Variants in ERBB4 observed in about 807,000 individuals in gnomAD.
ERBB4 encodes the protein erb-b2 receptor tyrosine kinase 4.
Under a neutral mutation model 158.0 loss-of-function variants are expected in ERBB4, and 42 were observed. The ratio of observed to expected loss-of-function variants is 0.27; its 90% CI spans 0.21 to 0.34. The LOEUF is 0.34. Among genes scored for constraint, ERBB4 ranks in the 10% least tolerant of loss-of-function variants. The probability of loss-of-function intolerance (pLI) is 1.00; values close to 1 mark genes in which losing one functional copy is unlikely to be tolerated. For synonymous variants in ERBB4, 583 were observed against 558.7 expected (o/e 1.04, Z -0.61); for missense variants, 1,333 against 1,624.1 (o/e 0.82, Z 3.08).
intron 1 of ERBB4, among the ~76,000 whole-genome samples, chr2:212,188,234 C>CTCTCTCTCTTT (rs1443869832): frequency 4.2e-5 from 1 of 24,066 alleles, no homozygotes; most frequent in Non-Finnish European, 8.7e-5. Flanking sequence ...CTCTCTCTCT[C>CTCTCTCTCTTT]CCCCCCCCTC....
At chr2:211,568,531 A>G (rs1423350044) in intron 19 of ERBB4, among the ~76,000 whole-genome samples, 1 of 152,174 alleles carries the variant, frequency 6.6e-6, no homozygotes, top group Non-Finnish European at 1.5e-5. Flanking sequence ...AAACAACCAT[A>G]TTGCCAGTGA....
chr2:211,512,140 T>C (rs964539422), intron 20 of ERBB4, among the ~76,000 whole-genome samples: 1 of 152,148 alleles, frequency 6.6e-6, no homozygotes, highest in Non-Finnish European at 1.5e-5. Flanking sequence ...ACATTCAATT[T>C]GGAACTTTCA....
chr2:211,937,910 G>A (rs968627281), intron 3 of ERBB4, among the ~76,000 whole-genome samples: 1 of 152,056 alleles, frequency 6.6e-6, no homozygotes, highest in Admixed American at 6.6e-5. Flanking sequence ...GAAACTAAAG[G>A]TGAAAGTAAA....
chr2:211,574,150 A>G (rs2067823559), intron 19 of ERBB4, among the ~76,000 whole-genome samples: 1 of 152,208 alleles, frequency 6.6e-6, no homozygotes, highest in Admixed American at 6.5e-5. Context: ...AAAAAGCTGC[A>G]GCTGCAGGGT....
In ERBB4 at chr2:211,892,038, TCC is replaced by T. The variant is rs1419757481; in HGVS notation, c.421+55390_421+55391del. 6.0e-3 allele frequency among the ~76,000 whole-genome samples: 739 copies of T among 123,244 alleles called. 64 individuals carry two copies. Among genetic ancestry groups the T allele is most frequent in the African/African-American group, 0.024 (705 of 28,978 alleles). The allele number at this position is 123,244 out of a possible 152,430, so 80.9% of individuals were successfully genotyped here. A position where few individuals can be genotyped will look rare whatever the true frequency, so the allele number is the denominator to read the frequency against. On this transcript the variant is annotated intron_variant, in intron 3 of 27. Transcript: ENST00000342788. The stretch of plus-strand genomic sequence containing the variant: ...TTCCAATCAATAGAAAAAGAGGGAA[TCC>T]TCCCTAACTCATTTTATGAGGCCAG...
chr2:212,405,405 A>C (rs190247688), intron 1 of ERBB4, among the ~76,000 whole-genome samples: 4 of 152,068 alleles, frequency 2.6e-5, no homozygotes, highest in Admixed American at 6.6e-5. Flanking sequence ...AACTAGTTCA[A>C]CTATGTGGAA....
intron 3 of ERBB4, among the ~76,000 whole-genome samples, chr2:211,879,391 C>T (rs2078602083): frequency 6.6e-6 from 1 of 152,176 alleles, no homozygotes; most frequent in South Asian, 2.1e-4. Flanking sequence ...AAGCAATGAA[C>T]ATTACCAAAT....
intron 1 of ERBB4, among the ~76,000 whole-genome samples, chr2:212,385,408 C>T (rs1286107824): frequency 6.6e-6 from 1 of 151,752 alleles, no homozygotes; most frequent in Non-Finnish European, 1.5e-5. Flanking sequence ...CCACATTTTC[C>T]TTTCTAAATA....
chr2:211,578,137 C>A (rs2067949680), intron 19 of ERBB4, among the ~76,000 whole-genome samples: 1 of 152,078 alleles, frequency 6.6e-6, no homozygotes, highest in African/African-American at 2.4e-5. Context: ...GCAAAAGTCA[C>A]AAGCACTCCT....
At chr2:212,517,921 C>A (rs1172840079) in intron 1 of ERBB4, among the ~76,000 whole-genome samples, 1 of 152,058 alleles carries the variant, frequency 6.6e-6, no homozygotes, top group Non-Finnish European at 1.5e-5. Flanking sequence ...GAATTAAATG[C>A]TGTACACTGT....
chr2:212,387,200 G>T (rs1030506277), intron 1 of ERBB4, among the ~76,000 whole-genome samples: 5 of 152,020 alleles, frequency 3.3e-5, no homozygotes, highest in African/African-American at 4.8e-5. Context: ...TTGGTGTATG[G>T]AACATGATAA....
intron 19 of ERBB4, among the ~76,000 whole-genome samples, chr2:211,566,073 G>A (rs1295833057): frequency 6.6e-6 from 1 of 152,160 alleles, no homozygotes; most frequent in East Asian, 1.9e-4. Flanking sequence ...GCACTTTGAG[G>A]CGTCACGCCT....
chr2:211,500,146 G>A (rs777516693), intron 20 of ERBB4, among the ~76,000 whole-genome samples: 5 of 152,076 alleles, frequency 3.3e-5, no homozygotes, highest in South Asian at 2.1e-4. Flanking sequence ...TGGTACAGTC[G>A]TCTGCTCTGA....
At chr2:212,024,170 T>C (rs2076721273) in intron 2 of ERBB4, among the ~76,000 whole-genome samples, 1 of 151,964 alleles carries the variant, frequency 6.6e-6, no homozygotes, top group Non-Finnish European at 1.5e-5. Flanking sequence ...TAATCAAGCA[T>C]AAATGGACAC....
chr2:212,190,776 A>C (rs2082165834), intron 1 of ERBB4, among the ~76,000 whole-genome samples: 1 of 152,160 alleles, frequency 6.6e-6, no homozygotes, highest in Non-Finnish European at 1.5e-5. Context: ...ATTTTGGATA[A>C]AGTAGGCCAT....
intron 1 of ERBB4, among the ~76,000 whole-genome samples, chr2:212,325,418 G>A (rs1183127642): frequency 6.6e-6 from 1 of 150,526 alleles, no homozygotes; most frequent in Non-Finnish European, 1.5e-5. Context: ...AAAACTGAGG[G>A]AAATGAGAAA....
intron 5 of ERBB4, among the ~76,000 whole-genome samples, chr2:211,736,162 C>G (rs1265848770): frequency 7.3e-6 from 1 of 137,814 alleles, no homozygotes; most frequent in Admixed American, 7.3e-5. Flanking sequence ...GACTCTGTCT[C>G]AAAAAAAGGA....
intron 25 of ERBB4, among the ~76,000 whole-genome samples, chr2:211,396,180 T>G (rs1401626386): frequency 6.6e-6 from 1 of 152,142 alleles, no homozygotes; most frequent in East Asian, 1.9e-4. Flanking sequence ...GATATATATA[T>G]GTGCATACAC....
chr2:212,431,336 G>A (rs1258186358), intron 1 of ERBB4, among the ~76,000 whole-genome samples: 3 of 105,056 alleles, frequency 2.9e-5, no homozygotes, highest in African/African-American at 6.6e-5. Context: ...AAAAACCTTC[G>A]TAACTATTTT....
Sources: allele counts gnomAD v4.1 joint callset (sites outside exome capture counted in the v4.1 genomes callset), GRCh38; gene constraint gnomAD v4.1.1; transcripts MANE v1.5; gene names NCBI Gene and HGNC (gene_info 2026-07-23, HGNC 2026-07-21).